RAB14: variants seen among roughly 807,000 people sequenced by gnomAD.
RAB14 encodes RAB14, member RAS oncogene family.
Under a neutral mutation model 31.1 loss-of-function variants are expected in RAB14, and 3 were observed. That is an observed-to-expected ratio of 0.10 (90% confidence interval 0.04 to 0.25). RAB14 has a LOEUF of 0.25. Ranked by LOEUF, RAB14 falls within the 10% of genes least tolerant of loss-of-function variation. RAB14 has a pLI of 1.00. For missense variants in RAB14, 111 were observed against 260.1 expected (o/e 0.43, Z 3.94); for synonymous variants, 85 against 84.9 (o/e 1.00, Z 0.00).
chr9:121,198,389 T>G (rs561811204), intron 1 of RAB14, among the ~76,000 whole-genome samples: 41 of 152,216 alleles, frequency 2.7e-4, no homozygotes, highest in Non-Finnish European at 5.6e-4. Context: ...AGAGGGCATA[T>G]TTTTGGGAGT....
intron 4 of RAB14, among the ~76,000 whole-genome samples, chr9:121,188,650 T>C (rs1047682579): frequency 2.0e-5 from 3 of 151,812 alleles, no homozygotes; most frequent in Non-Finnish European, 4.4e-5. Flanking sequence ...TGAGAGTTAA[T>C]GACAAAAATA....
chr9:121,196,009 G>A (rs2053713454), intron 1 of RAB14, among the ~76,000 whole-genome samples: 1 of 151,902 alleles, frequency 6.6e-6, no homozygotes, highest in South Asian at 2.1e-4. Flanking sequence ...CTATTGTTAA[G>A]GTGAGGAATA....
chr9:121,188,818 A>C (rs2053671712), intron 4 of RAB14, among the ~76,000 whole-genome samples: 1 of 152,092 alleles, frequency 6.6e-6, no homozygotes, highest in African/African-American at 2.4e-5. Flanking sequence ...TATAATGAAC[A>C]TATCATAAAG....
chr9:121,192,332 A>C, intron 2 of RAB14, 108 bp from the exon 3 acceptor site: 1 of 701,172 alleles, frequency 1.4e-6, no homozygotes, highest in South Asian at 2.8e-5. Flanking sequence ...GGGACACTTA[A>C]CAAATTTTTA....
In RAB14 at chr9:121,189,126, T is replaced by C. The variant is rs951205857; in HGVS notation, c.284+1428A>G. Among the ~76,000 whole-genome samples the C allele has an allele frequency of 2.6e-5, 4 of 152,138 alleles. No individual in the cohort carries two copies. The South Asian group carries it at 6.2e-4, about 24-fold the overall frequency. The stretch of plus-strand genomic sequence containing the variant: ...ATCTATGTTGTGGCCTGTATCAGTA[T>C]TTCCTTCTTCCTTATAGCTGAGTAA... On this transcript the variant is annotated intron_variant, in intron 4 of 7. Transcript: ENST00000373840.
At chr9:121,186,791 C>A (rs2053661909) in intron 5 of RAB14, among the ~76,000 whole-genome samples, 162 bp downstream of exon 5, 1 of 152,034 alleles carries the variant, frequency 6.6e-6, no homozygotes, top group Non-Finnish European at 1.5e-5. Context: ...TTAATAAGAA[C>A]TGAAAAATAA....
rs1338928113 is a variant in RAB14, at chr9:121,182,133, T to C, written c.471-560A>G. ...CCTATTTGGACAACTACATGTGTTA[T>C]ATGCAATCATTAAAATACTGTATGT... On this transcript the variant is annotated intron_variant, in intron 7 of 7. Coordinates refer to ENST00000373840, the MANE Select transcript of RAB14 (RefSeq NM_016322.4). Among the ~76,000 whole-genome samples the C allele has an allele frequency of 3.3e-5, 5 of 152,302 alleles. No individual in the cohort carries two copies. The East Asian group carries it at 5.8e-4, about 18-fold the overall frequency.
At chr9:121,198,627 A>G (rs1189706093) in intron 1 of RAB14, among the ~76,000 whole-genome samples, 1 of 152,206 alleles carries the variant, frequency 6.6e-6, no homozygotes, top group Non-Finnish European at 1.5e-5. Flanking sequence ...CGTTTTGTTA[A>G]AAATACCAGA....
intron 1 of RAB14, among the ~76,000 whole-genome samples, chr9:121,199,041 T>C (rs891358443): frequency 1.3e-5 from 2 of 152,190 alleles, no homozygotes; most frequent in East Asian, 1.9e-4. Context: ...AAAAGTAACT[T>C]TGATGGTCTT....
chr9:121,193,681 C>T (rs2053698663), intron 1 of RAB14, among the ~76,000 whole-genome samples: 1 of 152,030 alleles, frequency 6.6e-6, no homozygotes, highest in South Asian at 2.1e-4. Flanking sequence ...CACTTAATAT[C>T]CACTAGAACT....
chr9:121,199,605 G>C (rs934726036), intron 1 of RAB14, among the ~76,000 whole-genome samples: 8 of 152,158 alleles, frequency 5.3e-5, no homozygotes, highest in Admixed American at 1.3e-4. Flanking sequence ...TTGCAAAGTT[G>C]AAGTATGCAA....
chr9:121,198,094 A>G (rs1353083971), intron 1 of RAB14, among the ~76,000 whole-genome samples: 2 of 152,112 alleles, frequency 1.3e-5, no homozygotes, highest in African/African-American at 4.8e-5. Flanking sequence ...TGTGAAAAAT[A>G]CATGGACAGG....
chr9:121,181,739 T>C, intron 7 of RAB14, among the ~76,000 whole-genome samples, 166 bp from the exon 8 acceptor site: 1 of 127,372 alleles, frequency 7.9e-6, no homozygotes, highest in Admixed American at 9.1e-5. Context: ...TGGAAAACTA[T>C]TTTCCTTTTT....
chr9:121,193,684 C>T (rs1172136730), intron 1 of RAB14, among the ~76,000 whole-genome samples: 1 of 152,068 alleles, frequency 6.6e-6, no homozygotes, highest in African/African-American at 2.4e-5. Context: ...TTAATATCCA[C>T]TAGAACTTAA....
chr9:121,186,911 A>G (rs367866798), intron 5 of RAB14, 42 bp downstream of exon 5: 1 of 1,404,716 alleles, frequency 7.1e-7, no homozygotes, highest in Non-Finnish European at 9.5e-7. Flanking sequence ...GGGTTAGCTT[A>G]GTTCTTAAAT....
At chr9:121,198,829 C>A (rs376806263) in intron 1 of RAB14, among the ~76,000 whole-genome samples, 20 of 152,226 alleles carry the variant, frequency 1.3e-4, no homozygotes, top group African/African-American at 4.6e-4. Context: ...ACCACTACTA[C>A]CTGATTTGTC....
At chr9:121,187,361 T>C (rs955514690) in intron 4 of RAB14, among the ~76,000 whole-genome samples, 1 of 152,116 alleles carries the variant, frequency 6.6e-6, no homozygotes, top group African/African-American at 2.4e-5. Context: ...CAAATTACTT[T>C]GAAATCATAC....
At chr9:121,189,049 T>C (rs556969224) in intron 4 of RAB14, among the ~76,000 whole-genome samples, 2 of 152,144 alleles carry the variant, frequency 1.3e-5, no homozygotes, top group Non-Finnish European at 2.9e-5. Flanking sequence ...TCATACAGTA[T>C]GTGTCTCTTA....
intron 1 of RAB14, among the ~76,000 whole-genome samples, chr9:121,195,860 T>A (rs780785332): frequency 6.6e-6 from 1 of 152,198 alleles, no homozygotes; most frequent in Non-Finnish European, 1.5e-5. Flanking sequence ...TGTCTAGATT[T>A]AAATATATTC....
Sources: gnomAD v4.1 joint callset for allele counts (sites outside exome capture counted in the v4.1 genomes callset) on GRCh38, gnomAD v4.1.1 for gene constraint, MANE v1.5 for transcripts, NCBI Gene and HGNC (gene_info 2026-07-23, HGNC 2026-07-21) for gene names.